Variants in KRABD4 observed in about 807,000 individuals in gnomAD.
The protein encoded by KRABD4 is KRAB domain containing 4.
chrX:46,452,444 C>T, the KRABD4 span, among the ~76,000 whole-genome samples: 2 of 110,727 alleles, frequency 1.8e-5, no homozygotes, highest in Non-Finnish European at 3.8e-5. Context: ...CTACTAGATG[C>T]CAATAGTGCT....
At chrX:46,471,345 TATCTCC>T in the KRABD4 span, among the ~76,000 whole-genome samples, 1 of 111,658 alleles carries the variant, frequency 9.0e-6, no homozygotes, top group Non-Finnish European at 1.9e-5. Flanking sequence ...TTTCATGGTA[TATCTCC>T]ATCCCTTTAC....
At chrX:46,467,902 T>C in the KRABD4 span, among the ~76,000 whole-genome samples, 2 of 112,114 alleles carry the variant, frequency 1.8e-5, no homozygotes, top group East Asian at 2.8e-4. Flanking sequence ...ACAGTATCTT[T>C]TGAAAAACAA....
chrX:46,470,030 T>C, the KRABD4 span, among the ~76,000 whole-genome samples: 7 of 111,598 alleles, frequency 6.3e-5, no homozygotes, highest in Admixed American at 6.7e-4. Context: ...TTTTTATTTA[T>C]TTTCTGTTCA....
chrX:46,448,882 G>A, the KRABD4 span, among the ~76,000 whole-genome samples: 2 of 112,521 alleles, frequency 1.8e-5, no homozygotes, highest in East Asian at 5.6e-4. Context: ...GAAATGCTGA[G>A]TGTCCCTTCA....
At chrX:46,459,446 TTTAAC>T in the KRABD4 span, among the ~76,000 whole-genome samples, 1 of 111,926 alleles carries the variant, frequency 8.9e-6, no homozygotes, top group Non-Finnish European at 1.9e-5. Context: ...TATCAAAACT[TTTAAC>T]TTATCTATCA....
At chrX:46,465,712 G>C in the KRABD4 span, among the ~76,000 whole-genome samples, 1 of 111,861 alleles carries the variant, frequency 8.9e-6, no homozygotes, top group African/African-American at 3.3e-5. Flanking sequence ...AATTGTTTCA[G>C]AAAGCCTGGG....
chrX:46,460,056 C>A, the KRABD4 span, among the ~76,000 whole-genome samples: 2 of 112,345 alleles, frequency 1.8e-5, no homozygotes, highest in African/African-American at 6.5e-5. Context: ...TGGGGGTTCC[C>A]ATGAACCCCT....
chrX:46,466,344 T>C, the KRABD4 span, among the ~76,000 whole-genome samples: 1 of 112,051 alleles, frequency 8.9e-6, no homozygotes, highest in African/African-American at 3.2e-5. Flanking sequence ...ATAAAACAAG[T>C]AAAAGAATTG....
chrX:46,453,047 C>T, the KRABD4 span, among the ~76,000 whole-genome samples: 1 of 111,885 alleles, frequency 8.9e-6, no homozygotes, highest in Admixed American at 9.5e-5. Context: ...TGGATGTTAG[C>T]TCCTTGGGTT....
the KRABD4 span, among the ~76,000 whole-genome samples, chrX:46,460,038 C>T: frequency 8.9e-6 from 1 of 112,409 alleles, no homozygotes; most frequent in African/African-American, 3.2e-5. Flanking sequence ...GACTGATGGG[C>T]CACAAATTGG....
the KRABD4 span, among the ~76,000 whole-genome samples, chrX:46,460,025 T>C: frequency 8.9e-6 from 1 of 112,366 alleles, no homozygotes; most frequent in East Asian, 2.8e-4. Context: ...CACCTATACA[T>C]CTGACTGATG....
At chrX:46,463,382 T>G in the KRABD4 span, 1 of 910,253 alleles carries the variant, frequency 1.1e-6, no homozygotes, top group East Asian at 3.1e-5. Context: ...CAGGAGCCCT[T>G]CTCAGAGCCT....
chrX:46,464,827 A>G, the KRABD4 span, among the ~76,000 whole-genome samples: 1 of 112,004 alleles, frequency 8.9e-6, no homozygotes, highest in African/African-American at 3.2e-5. Context: ...AAGAAAAACT[A>G]TATTATATTA....
chrX:46,462,675 C>T, the KRABD4 span: 1,208 of 1,205,867 alleles, frequency 1.0e-3, 11 homozygotes, highest in African/African-American at 0.019. Flanking sequence ...GTAAGCCCTC[C>T]GTGTGCGTGA....
At chrX:46,451,726 A>C in the KRABD4 span, among the ~76,000 whole-genome samples, 3 of 111,950 alleles carry the variant, frequency 2.7e-5, 1 homozygote, top group Admixed American at 2.8e-4. Context: ...AAAGATGAAA[A>C]GGCACCCAGT....
At chrX:46,471,288 C>A in the KRABD4 span, 1 of 874,436 alleles carries the variant, frequency 1.1e-6, no homozygotes, top group South Asian at 2.6e-5. Flanking sequence ...GTTCTGAAGT[C>A]ATTGTCTGAA....
the KRABD4 span, chrX:46,473,661 T>C: frequency 8.8e-5 from 23 of 262,673 alleles, no homozygotes; most frequent in Middle Eastern, 3.6e-3. Context: ...GAATCTTTTT[T>C]TTTTTTTTTT....
At chrX:46,462,902 A>C in the KRABD4 span, 2 of 1,210,771 alleles carry the variant, frequency 1.7e-6, no homozygotes, top group Non-Finnish European at 2.2e-6. Flanking sequence ...AGGGTGATGC[A>C]GAATGCCTCC....
chrX:46,458,303 A>C, the KRABD4 span, among the ~76,000 whole-genome samples: 1 of 112,276 alleles, frequency 8.9e-6, no homozygotes, highest in African/African-American at 3.2e-5. Flanking sequence ...TGTAGAAAAA[A>C]CACCAAAGAA....
Sources: allele counts gnomAD v4.1 joint callset (sites outside exome capture counted in the v4.1 genomes callset), GRCh38; gene constraint gnomAD v4.1.1; transcripts MANE v1.5; gene names NCBI Gene and HGNC (gene_info 2026-07-23, HGNC 2026-07-21).